Variants in ATRNL1 observed in about 807,000 individuals in gnomAD.
ATRNL1 encodes the protein attractin like 1, also known as attractin-like protein 1.
In ATRNL1, 95 loss-of-function variants were observed where a neutral mutation model predicts 182.7. The observed-to-expected ratio is 0.52, with a 90% CI of 0.44 to 0.62. ATRNL1 has a LOEUF of 0.62. ATRNL1 is among the 20% of genes least tolerant of loss of function. The pLI, the probability that ATRNL1 is intolerant of heterozygous loss-of-function variation, is 0.00. For synonymous variants in ATRNL1, 576 were observed against 568.3 expected, an observed-to-expected ratio of 1.01 and a Z score of -0.19; for missense variants, 1,471 against 1,679.5, an observed-to-expected ratio of 0.88 and a Z score of 2.17.
chr10:115,141,675 C>A (rs1845758497), intron 5 of ATRNL1, among the ~76,000 whole-genome samples: 1 of 152,088 alleles, frequency 6.6e-6, no homozygotes. Context: ...TGTAGAAATT[C>A]ATAAAGTAGC....
At chr10:115,835,723 G>A (rs1555095217) in intron 27 of ATRNL1, among the ~76,000 whole-genome samples, 1 of 152,164 alleles carries the variant, frequency 6.6e-6, no homozygotes, top group African/African-American at 2.4e-5. Context: ...CTTCGAGACT[G>A]AGCCTCTCAT....
At chr10:115,935,008 C>G (rs575137234) in intron 28 of ATRNL1, among the ~76,000 whole-genome samples, 10 of 152,308 alleles carry the variant, frequency 6.6e-5, no homozygotes, top group Admixed American at 6.5e-4. Context: ...TCCTCTTCAT[C>G]ATTCAAATCT....
intron 27 of ATRNL1, among the ~76,000 whole-genome samples, chr10:115,750,346 A>G (rs1555070360): frequency 6.6e-6 from 1 of 151,922 alleles, no homozygotes; most frequent in Non-Finnish European, 1.5e-5. Flanking sequence ...AATTTAGTTG[A>G]AAAATTGGCA....
chr10:115,729,608 C>T (rs1242555702), intron 27 of ATRNL1, among the ~76,000 whole-genome samples: 1 of 151,008 alleles, frequency 6.6e-6, no homozygotes, highest in Non-Finnish European at 1.5e-5. Flanking sequence ...ATCTACTAAA[C>T]AGAATATTGC....
In ATRNL1 at chr10:115,211,678, T is replaced by C. The variant is rs182387435; in HGVS notation, c.1349-4019T>C. On this transcript the variant is annotated intron_variant, in intron 8 of 28. Transcript: ENST00000355044. ...GCACAATGTGCAGGTTTGTTACATA[T>C]GTATACATGTGCCATGTTGGTGTGC... 3.1e-4 allele frequency among the ~76,000 whole-genome samples: 47 copies of C among 152,014 alleles called. No homozygotes were observed. In the East Asian group the frequency reaches 6.2e-3, roughly 20 times the overall value.
At position 115,947,903 on chromosome 10, in the gene ATRNL1, C is replaced by T. The variant is rs949805198; in HGVS notation, c.*3124C>T. On this transcript the variant is annotated 3_prime_UTR_variant, in exon 29 of 29. Coordinates refer to ENST00000355044, the MANE Select transcript of ATRNL1 (RefSeq NM_207303.4). ...ATGGTGCCCACCTTTCGAGGCATTG[C>T]GAGGCTAGATGGTAACACACAGAAA... is the stretch of plus-strand genomic sequence containing the variant. The T allele has an allele frequency of 2.6e-5, 4 of 152,166 alleles. No homozygotes were observed. The highest frequency in any genetic ancestry group is 3.9e-4 in the East Asian group (2 of 5,186). 9.4% of individuals were successfully genotyped at this position (152,166 alleles called of 1,614,324 possible). A position where few individuals can be genotyped will look rare whatever the true frequency, so the allele number is the denominator to read the frequency against.
intron 27 of ATRNL1, among the ~76,000 whole-genome samples, chr10:115,756,014 C>A (rs1218644039): frequency 1.3e-5 from 2 of 151,912 alleles, no homozygotes. Flanking sequence ...GTGGTGACAT[C>A]CTCTTTATCA....
At chr10:115,794,320 TA>T (rs1237297179) in intron 27 of ATRNL1, among the ~76,000 whole-genome samples, 2 of 152,108 alleles carry the variant, frequency 1.3e-5, no homozygotes, top group African/African-American at 2.4e-5. Context: ...GTATATCTCC[TA>T]AAAAAGGAAC....
intron 28 of ATRNL1, among the ~76,000 whole-genome samples, chr10:115,891,948 C>T (rs1438925745): frequency 6.6e-6 from 1 of 152,096 alleles, no homozygotes; most frequent in African/African-American, 2.4e-5. Context: ...AGTACGGATG[C>T]TCACACATTT....
At chr10:115,096,838 A>G in intron 1 of ATRNL1, 3 of 1,128,188 alleles carry the variant, frequency 2.7e-6, no homozygotes, top group African/African-American at 3.3e-5. Context: ...TTCCTTACAC[A>G]GGTAAAACAA....
At chr10:115,535,523 A>G (rs1450559756) in intron 25 of ATRNL1, among the ~76,000 whole-genome samples, 7 of 151,446 alleles carry the variant, frequency 4.6e-5, no homozygotes, top group African/African-American at 7.3e-5. Context: ...ATTTTTTTCA[A>G]AGTTTTCAAC....
chr10:115,223,917 A>G (rs1338384691), intron 9 of ATRNL1, among the ~76,000 whole-genome samples: 87 of 42,214 alleles, frequency 2.1e-3, no homozygotes, highest in African/African-American at 7.1e-3. Flanking sequence ...GTGTGTGTAT[A>G]TATATATATA....
intron 26 of ATRNL1, among the ~76,000 whole-genome samples, chr10:115,658,574 A>G (rs555791339): frequency 1.4e-4 from 22 of 152,264 alleles, no homozygotes; most frequent in Non-Finnish European, 2.4e-4. Context: ...AGCATTCTCC[A>G]CTGAAGGAGG....
intron 9 of ATRNL1, among the ~76,000 whole-genome samples, chr10:115,222,297 G>T (rs1369856245): frequency 2.6e-5 from 4 of 151,976 alleles, no homozygotes; most frequent in Admixed American, 2.6e-4. Flanking sequence ...GACCAAAAAA[G>T]GACAGAAAGA....
chr10:115,539,601 G>A (rs1415848281), intron 25 of ATRNL1, among the ~76,000 whole-genome samples: 4 of 152,198 alleles, frequency 2.6e-5, no homozygotes, highest in Non-Finnish European at 5.9e-5. Flanking sequence ...GGCCCATGAT[G>A]TGGAAAAGGG....
intron 27 of ATRNL1, among the ~76,000 whole-genome samples, chr10:115,761,438 A>G (rs1555073609): frequency 6.9e-6 from 1 of 144,920 alleles, no homozygotes; most frequent in African/African-American, 2.6e-5. Context: ...AGATATGTGT[A>G]TGGTGGAGAC....
intron 26 of ATRNL1, among the ~76,000 whole-genome samples, chr10:115,723,872 A>G (rs1456472974): frequency 2.6e-5 from 4 of 152,196 alleles, no homozygotes; most frequent in African/African-American, 9.6e-5. Context: ...TATCATTTTT[A>G]ATTCCATGGT....
intron 27 of ATRNL1, among the ~76,000 whole-genome samples, chr10:115,783,366 A>C (rs782552301): frequency 4.6e-5 from 7 of 152,200 alleles, no homozygotes; most frequent in Non-Finnish European, 7.3e-5. Flanking sequence ...ATGATCAAAT[A>C]AAAAGAGTTC....
intron 8 of ATRNL1, among the ~76,000 whole-genome samples, chr10:115,176,345 A>G (rs1847505988): frequency 6.6e-6 from 1 of 152,078 alleles, no homozygotes; most frequent in Non-Finnish European, 1.5e-5. Context: ...TTTTGTTGCC[A>G]TTGGTTTAGT....
Sources: gnomAD v4.1 joint callset for allele counts (sites outside exome capture counted in the v4.1 genomes callset) on GRCh38, gnomAD v4.1.1 for gene constraint, MANE v1.5 for transcripts, NCBI Gene and HGNC (gene_info 2026-07-23, HGNC 2026-07-21) for gene names.